The following STPG2 variants were observed in gnomAD, a reference collection of about 807,000 sequenced individuals.
STPG2 encodes sperm tail PG-rich repeat containing 2, also known as sperm-tail PG-rich repeat-containing protein 2.
Under a neutral mutation model 54.2 loss-of-function variants are expected in STPG2, and 56 were observed. The observed-to-expected ratio is 1.03, with a 90% CI of 0.83 to 1.29. STPG2 has a LOEUF of 1.29. Ranked by LOEUF, STPG2 falls within the 50% of genes most tolerant of loss-of-function variation. STPG2 has a pLI of 0.00. For synonymous variants in STPG2, 200 were observed against 181.8 expected (o/e 1.10, Z -0.81); for missense variants, 596 against 544.9 (o/e 1.09, Z -0.93).
chr4:97,716,316 A>C (rs1013979373), intron 9 of STPG2, among the ~76,000 whole-genome samples: 2 of 152,148 alleles, frequency 1.3e-5, no homozygotes, highest in Non-Finnish European at 2.9e-5. Flanking sequence ...TAGAACCAGA[A>C]ATACCATTTG....
intron 5 of STPG2, among the ~76,000 whole-genome samples, chr4:97,994,640 G>A (rs541073712): frequency 2.0e-4 from 30 of 152,248 alleles, no homozygotes; most frequent in Non-Finnish European, 3.4e-4. Context: ...TATGTGCAAA[G>A]CGATGTGACC....
At chr4:97,903,428 A>G (rs1217751077) in intron 8 of STPG2, among the ~76,000 whole-genome samples, 2 of 152,072 alleles carry the variant, frequency 1.3e-5, no homozygotes, top group Non-Finnish European at 2.9e-5. Context: ...TCAAGTATCT[A>G]AGCATACAAT....
chr4:97,694,812 C>CAAAA (rs70953083), intron 10 of STPG2, among the ~76,000 whole-genome samples: 5 of 44,044 alleles, frequency 1.1e-4, no homozygotes, highest in Non-Finnish European at 2.1e-4. Flanking sequence ...GACTCTGTCA[C>CAAAA]AAAAAAAAAA....
chr4:97,866,692 T>C (rs1442044850), intron 8 of STPG2, among the ~76,000 whole-genome samples: 1 of 152,052 alleles, frequency 6.6e-6, no homozygotes, highest in Non-Finnish European at 1.5e-5. Context: ...TCTTCTGCTC[T>C]GTCCTGCTGT....
At chr4:97,604,645 G>A (rs1733549230) in intron 10 of STPG2, among the ~76,000 whole-genome samples, 1 of 151,608 alleles carries the variant, frequency 6.6e-6, no homozygotes, top group African/African-American at 2.4e-5. Flanking sequence ...CTCATATTTC[G>A]TTGACTCATT....
At chr4:98,020,558 T>A (rs1276304822) in intron 5 of STPG2, among the ~76,000 whole-genome samples, 4 of 152,132 alleles carry the variant, frequency 2.6e-5, no homozygotes, top group Admixed American at 2.6e-4. Context: ...GGATTCCCTC[T>A]TTTTCTATTG....
intron 10 of STPG2, among the ~76,000 whole-genome samples, chr4:97,602,450 T>C (rs1243886039): frequency 6.6e-6 from 1 of 151,820 alleles, no homozygotes; most frequent in Admixed American, 6.6e-5. Context: ...AGTGCCTCTA[T>C]TACTTTGTTA....
chr4:97,891,455 A>G (rs1245979425), intron 8 of STPG2, among the ~76,000 whole-genome samples: 1 of 152,104 alleles, frequency 6.6e-6, no homozygotes, highest in Non-Finnish European at 1.5e-5. Flanking sequence ...GTGCATGTTT[A>G]AGAAATAAAG....
At chr4:97,808,712 C>T (rs1419730191) in intron 9 of STPG2, among the ~76,000 whole-genome samples, 1 of 142,916 alleles carries the variant, frequency 7.0e-6, no homozygotes, top group Non-Finnish European at 1.5e-5. Flanking sequence ...AAAAAACCCA[C>T]AGAAACAACA....
chr4:98,103,954 T>C (rs1236462516), intron 5 of STPG2, among the ~76,000 whole-genome samples: 1 of 152,206 alleles, frequency 6.6e-6, no homozygotes, highest in Non-Finnish European at 1.5e-5. Context: ...TTTTCAAATT[T>C]CTACTGTCCA....
chr4:97,579,635 G>C (rs1007958996), intron 10 of STPG2, among the ~76,000 whole-genome samples: 1 of 151,990 alleles, frequency 6.6e-6, no homozygotes, highest in Non-Finnish European at 1.5e-5. Context: ...CTTTACAAAA[G>C]AAACAAACTT....
At chr4:98,072,941 A>G (rs368150624) in intron 5 of STPG2, among the ~76,000 whole-genome samples, 1 of 152,122 alleles carries the variant, frequency 6.6e-6, no homozygotes, top group African/African-American at 2.4e-5. Context: ...TCTTTATCTC[A>G]AGTAATCTCA....
At chr4:97,829,445 A>G (rs931373604) in intron 9 of STPG2, among the ~76,000 whole-genome samples, 1 of 148,420 alleles carries the variant, frequency 6.7e-6, no homozygotes, top group Non-Finnish European at 1.5e-5. Context: ...TGAAAATTCC[A>G]AAAACCAGAA....
intron 10 of STPG2, among the ~76,000 whole-genome samples, chr4:97,637,581 T>C (rs1023062205): frequency 1.3e-5 from 2 of 152,182 alleles, no homozygotes; most frequent in African/African-American, 2.4e-5. Context: ...CATGATTGTA[T>C]ATCTAGAAAA....
At chr4:97,749,755 T>C (rs776765732) in intron 9 of STPG2, among the ~76,000 whole-genome samples, 4 of 151,794 alleles carry the variant, frequency 2.6e-5, no homozygotes, top group Non-Finnish European at 5.9e-5. Flanking sequence ...AGAGACTATT[T>C]TGTAGTGTCT....
At chr4:97,670,368 A>C (rs1722661927) in intron 10 of STPG2, among the ~76,000 whole-genome samples, 1 of 152,208 alleles carries the variant, frequency 6.6e-6, no homozygotes, top group Admixed American at 6.5e-5. Flanking sequence ...AATAATTATT[A>C]AAATGGAATC....
intron 9 of STPG2, among the ~76,000 whole-genome samples, chr4:97,761,534 C>T (rs182511974): frequency 6.6e-6 from 1 of 152,248 alleles, no homozygotes; most frequent in Non-Finnish European, 1.5e-5. Context: ...AATTGTGAGA[C>T]AATAAATTTC....
intron 10 of STPG2, among the ~76,000 whole-genome samples, chr4:97,676,794 A>T (rs895125847): frequency 2.0e-5 from 3 of 152,174 alleles, no homozygotes; most frequent in South Asian, 2.1e-4. Flanking sequence ...ATGCCTTGAT[A>T]AATTAATTAA....
chr4:98,119,397 A>C (rs1308950696), intron 3 of STPG2, among the ~76,000 whole-genome samples: 2 of 152,174 alleles, frequency 1.3e-5, no homozygotes, highest in Non-Finnish European at 2.9e-5. Context: ...AGTAAAGATT[A>C]AAGAAGACAA....
Sources: allele counts gnomAD v4.1 joint callset (sites outside exome capture counted in the v4.1 genomes callset), GRCh38; gene constraint gnomAD v4.1.1; transcripts MANE v1.5; gene names NCBI Gene and HGNC (gene_info 2026-07-23, HGNC 2026-07-21).